Variants in FAM227B observed in about 807,000 individuals in gnomAD.
FAM227B encodes protein FAM227B.
Under a neutral mutation model 73.8 loss-of-function variants are expected in FAM227B, and 88 were observed. That is an observed-to-expected ratio of 1.19 (90% CI 1.00 to 1.42). FAM227B has a LOEUF of 1.42. Among genes scored for constraint, FAM227B ranks in the 40% most tolerant of loss-of-function variants. The pLI is 0.00. For missense variants in FAM227B, 632 were observed against 590.9 expected (o/e 1.07, Z -0.72); for synonymous variants, 210 against 190.5 (o/e 1.10, Z -0.84).
chr15:49,605,531 T>C (rs2077460720), intron 3 of FAM227B, among the ~76,000 whole-genome samples: 1 of 151,908 alleles, frequency 6.6e-6, no homozygotes, highest in African/African-American at 2.4e-5. Flanking sequence ...GGTGCTGGGG[T>C]GGGCCTCGAA....
intron 10 of FAM227B, among the ~76,000 whole-genome samples, chr15:49,534,637 G>C (rs560051812): frequency 6.6e-6 from 1 of 151,784 alleles, no homozygotes; most frequent in Non-Finnish European, 1.5e-5. Flanking sequence ...CCATCCAACA[G>C]CAGTAGATCA....
At chr15:49,353,173 T>C (rs772412078) in intron 13 of FAM227B, among the ~76,000 whole-genome samples, 7 of 152,184 alleles carry the variant, frequency 4.6e-5, no homozygotes, top group Non-Finnish European at 1.0e-4. Context: ...AACAAAATCA[T>C]AGGGACTTGA....
intron 10 of FAM227B, among the ~76,000 whole-genome samples, chr15:49,525,710 A>G (rs1410904299): frequency 2.4e-5 from 2 of 82,398 alleles, no homozygotes; most frequent in Non-Finnish European, 5.8e-5. Context: ...ATATATATAT[A>G]TATATATATC....
chr15:49,329,188 A>C, intron 15 of FAM227B: 1 of 986,804 alleles, frequency 1.0e-6, no homozygotes, highest in Non-Finnish European at 1.2e-6. Context: ...GACTATGAAA[A>C]GACTTAATGA....
At chr15:49,416,906 A>C (rs2049257761) in intron 11 of FAM227B, among the ~76,000 whole-genome samples, 1 of 152,208 alleles carries the variant, frequency 6.6e-6, no homozygotes, top group African/African-American at 2.4e-5. Flanking sequence ...AAATGCATGG[A>C]AAAAGATTCC....
chr15:49,329,105 GC>G, intron 15 of FAM227B: 1 of 992,938 alleles, frequency 1.0e-6, no homozygotes, highest in Non-Finnish European at 1.2e-6. Context: ...TCCCTTTTTT[GC>G]TTGTCTAGCA....
At position 49,600,279 on chromosome 15, in the gene FAM227B, C is replaced by A. The variant is rs190700416; in HGVS notation, c.106-10272G>T. 2.0e-3 allele frequency among the ~76,000 whole-genome samples: 299 copies of A among 152,030 alleles called. 1 individual carries two copies. Among genetic ancestry groups the A allele is most frequent in the African/African-American group, 6.9e-3 (286 of 41,482 alleles). ...TAAATTTATTTTAATCATCTCTTCA[C>A]CTTCAGTCTATGTGTGTCCTTAAAG... On this transcript the variant is annotated intron_variant, in intron 3 of 15. Coordinates refer to ENST00000299338, the MANE Select transcript of FAM227B (RefSeq NM_152647.3).
chr15:49,582,234 A>T (rs923873462), intron 5 of FAM227B, among the ~76,000 whole-genome samples: 1 of 152,212 alleles, frequency 6.6e-6, no homozygotes, highest in Non-Finnish European at 1.5e-5. Flanking sequence ...TCTTCAAGAG[A>T]CCCATCTTGT....
intron 13 of FAM227B, among the ~76,000 whole-genome samples, chr15:49,339,231 A>G (rs1467952678): frequency 6.6e-6 from 1 of 152,086 alleles, no homozygotes; most frequent in Admixed American, 6.5e-5. Flanking sequence ...TGGAATTTTC[A>G]GTCTTTTTGC....
chr15:49,509,564 A>G (rs1669626875), intron 10 of FAM227B, among the ~76,000 whole-genome samples: 2 of 143,830 alleles, frequency 1.4e-5, no homozygotes, highest in African/African-American at 2.6e-5. Flanking sequence ...TAAGCACTTA[A>G]TATAAGTTAC....
intron 9 of FAM227B, among the ~76,000 whole-genome samples, chr15:49,548,507 T>C (rs1376558384): frequency 6.6e-6 from 1 of 152,212 alleles, no homozygotes; most frequent in Admixed American, 6.5e-5. Context: ...TGCCTTTGTC[T>C]AGTTTTGGTA....
chr15:49,357,494 T>C (rs1236991959), intron 13 of FAM227B, among the ~76,000 whole-genome samples: 2 of 152,058 alleles, frequency 1.3e-5, no homozygotes, highest in Admixed American at 6.5e-5. Context: ...GAAGAAATAA[T>C]GGATAAATTC....
intron 11 of FAM227B, among the ~76,000 whole-genome samples, chr15:49,494,422 T>C (rs970581653): frequency 6.6e-6 from 1 of 152,124 alleles, no homozygotes; most frequent in Non-Finnish European, 1.5e-5. Context: ...TTTAACAAGG[T>C]CCAGTATTGT....
At chr15:49,337,414 G>A (rs2039908424) in intron 13 of FAM227B, among the ~76,000 whole-genome samples, 1 of 148,144 alleles carries the variant, frequency 6.8e-6, no homozygotes, top group South Asian at 2.1e-4. Context: ...TCTCATTGTG[G>A]TTTTCGTTTG....
chr15:49,443,797 T>C (rs2051906337), intron 11 of FAM227B, among the ~76,000 whole-genome samples: 1 of 151,692 alleles, frequency 6.6e-6, no homozygotes, highest in Non-Finnish European at 1.5e-5. Context: ...AAAACAGAAA[T>C]AGTGAAAGCA....
chr15:49,348,481 C>T (rs1048156825), intron 13 of FAM227B, among the ~76,000 whole-genome samples: 14 of 152,104 alleles, frequency 9.2e-5, no homozygotes, highest in African/African-American at 2.7e-4. Flanking sequence ...GAGCCAATTT[C>T]GTTTTTCCTT....
chr15:49,448,674 C>CATAT (rs145584113), intron 11 of FAM227B, among the ~76,000 whole-genome samples: 17 of 149,130 alleles, frequency 1.1e-4, no homozygotes, highest in African/African-American at 3.7e-4. Context: ...CACATATGTA[C>CATAT]ATATATATAT....
intron 9 of FAM227B, among the ~76,000 whole-genome samples, chr15:49,544,538 T>A (rs2071542489): frequency 6.6e-6 from 1 of 152,114 alleles, no homozygotes; most frequent in African/African-American, 2.4e-5. Flanking sequence ...GGACTGCCAG[T>A]ATGTTAAATA....
chr15:49,430,422 T>C (rs1008307576), intron 11 of FAM227B, among the ~76,000 whole-genome samples: 2 of 151,806 alleles, frequency 1.3e-5, no homozygotes, highest in Non-Finnish European at 2.9e-5. Flanking sequence ...CACAACCAAG[T>C]TCAAAGGCAG....
Sources: allele counts gnomAD v4.1 joint callset (sites outside exome capture counted in the v4.1 genomes callset), GRCh38; gene constraint gnomAD v4.1.1; transcripts MANE v1.5; gene names NCBI Gene and HGNC (gene_info 2026-07-23, HGNC 2026-07-21).